The following ATXN8OS variants were observed in gnomAD, a reference collection of about 807,000 sequenced individuals.
The protein encoded by ATXN8OS is ATXN8 opposite strand lncRNA, also known as ATXN8 opposite strand (non-protein coding).
intron 4 of ATXN8OS, among the ~76,000 whole-genome samples, chr13:70,160,413 G>T (rs564487198): frequency 9.9e-5 from 15 of 151,984 alleles, no homozygotes; most frequent in Admixed American, 3.9e-4. Context: ...CAAGATCAAA[G>T]TGCCCACAGA....
At chr13:70,169,540 C>T (rs868818061) in intron 4 of ATXN8OS, among the ~76,000 whole-genome samples, 2 of 152,020 alleles carry the variant, frequency 1.3e-5, no homozygotes, top group African/African-American at 4.8e-5. Flanking sequence ...GTGATCCACC[C>T]GCTCGGCCTC....
chr13:70,170,248 C>A (rs540486000), exon 5 of ATXN8OS, among the ~76,000 whole-genome samples: 23 of 152,142 alleles, frequency 1.5e-4, no homozygotes, highest in African/African-American at 5.5e-4. Context: ...AGATGCCATT[C>A]TGAATTCGTA....
At chr13:70,140,533 C>CAAAAAAAAA (rs58996989) in intron 3 of ATXN8OS, among the ~76,000 whole-genome samples, 1 of 133,032 alleles carries the variant, frequency 7.5e-6, no homozygotes, top group Non-Finnish European at 1.6e-5. Flanking sequence ...CACACACACA[C>CAAAAAAAAA]AAAAAAAAAA....
At chr13:70,136,091 G>A (rs1888609445) in intron 3 of ATXN8OS, among the ~76,000 whole-genome samples, 1 of 152,162 alleles carries the variant, frequency 6.6e-6, no homozygotes, top group Non-Finnish European at 1.5e-5. Context: ...GTAGGTGTCT[G>A]ACTTATTTGT....
intron 4 of ATXN8OS, among the ~76,000 whole-genome samples, chr13:70,164,122 T>G (rs1230732259): frequency 2.7e-5 from 4 of 149,548 alleles, no homozygotes; most frequent in Non-Finnish European, 5.9e-5. Context: ...GGGAACAGGA[T>G]AATATTAATA....
At chr13:70,168,341 T>C (rs532071726) in intron 4 of ATXN8OS, among the ~76,000 whole-genome samples, 4 of 152,206 alleles carry the variant, frequency 2.6e-5, no homozygotes, top group Non-Finnish European at 4.4e-5. Context: ...ACCTGGAGCA[T>C]TTATCACTTA....
chr13:70,111,495 G>A (rs891935575), intron 1 of ATXN8OS, among the ~76,000 whole-genome samples: 1 of 152,042 alleles, frequency 6.6e-6, no homozygotes, highest in African/African-American at 2.4e-5. Flanking sequence ...TTCTTATAAA[G>A]CCACTAATCC....
At chr13:70,128,398 T>C (rs1043373329) in intron 2 of ATXN8OS, among the ~76,000 whole-genome samples, 8 of 152,178 alleles carry the variant, frequency 5.3e-5, no homozygotes, top group Non-Finnish European at 1.0e-4. Flanking sequence ...TAATTCATTT[T>C]CTTTCTTCAC....
intron 1 of ATXN8OS, among the ~76,000 whole-genome samples, chr13:70,112,033 C>T (rs188216520): frequency 1.3e-3 from 194 of 152,266 alleles, no homozygotes; most frequent in African/African-American, 4.4e-3. Context: ...CAGCCTTCTG[C>T]TTCTGGGGAG....
chr13:70,152,047 G>A lies in ATXN8OS; in HGVS notation n.573+4619G>A, dbSNP rs149055431. On this transcript the variant is annotated intron_variant and non_coding_transcript_variant, in intron 4 of 4. Coordinates refer to ENST00000678624, the Ensembl canonical transcript of ATXN8OS. ...ACTTAAACCTTGCTTACCTGTTTCC[G>A]TCCTGTCATCTTATGTCACTTACTT... is the stretch of plus-strand genomic sequence containing the variant. 1.8e-3 allele frequency among the ~76,000 whole-genome samples: 276 copies of A among 151,936 alleles called. 2 individuals carry two copies. The highest frequency in any genetic ancestry group is 6.8e-3 in the Middle Eastern group (2 of 292).
chr13:70,134,680 T>C (rs1888584984), intron 3 of ATXN8OS, among the ~76,000 whole-genome samples: 2 of 152,174 alleles, frequency 1.3e-5, no homozygotes. Context: ...GTTTCCTGAA[T>C]AGAAAAGAGA....
intron 3 of ATXN8OS, among the ~76,000 whole-genome samples, chr13:70,142,020 AG>A (rs1384397042): frequency 6.6e-6 from 1 of 152,042 alleles, no homozygotes; most frequent in Non-Finnish European, 1.5e-5. Flanking sequence ...AGTAGCTGGG[AG>A]GACAGGCACA....
rs1432415358 is a variant in ATXN8OS at position 70,138,885 on chromosome 13, T to G, written n.500-8470T>G. Among the ~76,000 whole-genome samples, 4 of 152,132 alleles carry G rather than the reference T, an allele frequency of 2.6e-5. No homozygotes were observed. In the East Asian group the frequency reaches 7.7e-4, roughly 29 times the overall value. The stretch of plus-strand genomic sequence containing the variant: ...TATACCAAGTAGTTATAGTGGTTGA[T>G]TCAATGAAAGACTTATTGGAATTCA... On this transcript the variant is annotated intron_variant and non_coding_transcript_variant, in intron 3 of 4. Transcript: ENST00000678624.
At position 70,112,927 on chromosome 13, in the gene ATXN8OS, T is replaced by A. The variant is rs1343004368; in HGVS notation, n.241-2214T>A. ...AGGGACTTTATATATATAATTTTTT[T>A]TTTTTTTTTTTTTGAGATGGAGTCT... is the stretch of plus-strand genomic sequence containing the variant. On this transcript the variant is annotated intron_variant and non_coding_transcript_variant, in intron 1 of 4. Transcript: ENST00000678624. Among the ~76,000 whole-genome samples the A allele has an allele frequency of 3.9e-4, 41 of 103,908 alleles. 1 individual carries two copies. In the East Asian group the frequency reaches 8.1e-3, roughly 21 times the overall value. The allele number at this position is 103,908 out of a possible 152,430, so 68.2% of individuals were successfully genotyped here.
At chr13:70,143,265 A>C (rs764848565) in intron 3 of ATXN8OS, among the ~76,000 whole-genome samples, 1 of 152,052 alleles carries the variant, frequency 6.6e-6, no homozygotes, top group African/African-American at 2.4e-5. Flanking sequence ...AAATTTCCTC[A>C]AGTGAATTTC....
rs968533498 is a variant in ATXN8OS, at chr13:70,165,826, A to T, written n.574-3927A>T. Among the ~76,000 whole-genome samples the T allele has an allele frequency of 4.3e-4, 65 of 152,072 alleles. 1 individual carries two copies. Among genetic ancestry groups the T allele is most frequent in the Admixed American group, 2.0e-4 (3 of 15,244 alleles). On this transcript the variant is annotated intron_variant and non_coding_transcript_variant, in intron 4 of 4. Coordinates refer to ENST00000678624, the Ensembl canonical transcript of ATXN8OS. Reference sequence around the variant, plus strand: ...TAAATATAAATAGATTGTAGTCTCCAGAGTCCTTGAGAAAAATTACAAGTA... The same window carrying T: ...TAAATATAAATAGATTGTAGTCTCCTGAGTCCTTGAGAAAAATTACAAGTA...
At chr13:70,107,472 G>A (rs1400154515), upstream of ATXN8OS, 1 of 1,614,114 alleles carries the variant, frequency 6.2e-7, no homozygotes, top group Admixed American at 1.7e-5. Flanking sequence ...ACGATGAAGA[G>A]GAAGAGGAGG....
At chr13:70,151,889 A>G (rs763076077) in intron 4 of ATXN8OS, among the ~76,000 whole-genome samples, 16 of 152,096 alleles carry the variant, frequency 1.1e-4, no homozygotes, top group Admixed American at 3.9e-4. Context: ...GAGATATATT[A>G]TTGAGGTAAA....
intron 3 of ATXN8OS, among the ~76,000 whole-genome samples, chr13:70,140,546 A>AAC (rs1888698332): frequency 6.6e-6 from 1 of 151,250 alleles, no homozygotes; most frequent in Non-Finnish European, 1.5e-5. Context: ...AAAAAAAAAA[A>AAC]CGGAGAAGAA....
Sources: allele counts gnomAD v4.1 joint callset (sites outside exome capture counted in the v4.1 genomes callset), GRCh38; gene constraint gnomAD v4.1.1; transcripts MANE v1.5; gene names NCBI Gene and HGNC (gene_info 2026-07-23, HGNC 2026-07-21).